The following SMG6 variants were observed in gnomAD, a reference collection of about 807,000 sequenced individuals.
The protein encoded by SMG6 is SMG6 nonsense mediated mRNA decay factor.
Under a neutral mutation model 142.2 loss-of-function variants are expected in SMG6, and 66 were observed. The observed-to-expected ratio is 0.46, with a 90% confidence interval of 0.38 to 0.57. SMG6 has a LOEUF of 0.57. Among genes scored for constraint, SMG6 ranks in the 20% least tolerant of loss-of-function variants. The pLI is 0.00. For synonymous variants in SMG6, 779 were observed against 702.4 expected (o/e 1.11, Z -1.72); for missense variants, 1,793 against 1,832.0 (o/e 0.98, Z 0.39).
At chr17:2,290,448 C>T (rs1027879902) in intron 6 of SMG6, among the ~76,000 whole-genome samples, 14 of 152,284 alleles carry the variant, frequency 9.2e-5, no homozygotes, top group Non-Finnish European at 1.9e-4. Context: ...ACACTTTTCA[C>T]AAAAATTAAC....
chr17:2,291,767 G>C (rs1187909578), intron 6 of SMG6, among the ~76,000 whole-genome samples: 7 of 147,736 alleles, frequency 4.7e-5, no homozygotes, highest in African/African-American at 7.4e-5. Context: ...AGTTACTTGG[G>C]AGGCTGAGGC....
intron 8 of SMG6, among the ~76,000 whole-genome samples, chr17:2,279,057 A>G (rs1196029156): frequency 2.0e-5 from 3 of 152,230 alleles, no homozygotes; most frequent in African/African-American, 7.2e-5. Flanking sequence ...AGATCTGCAC[A>G]AAACTACACT....
At position 2,061,625 on chromosome 17, in the gene SMG6, G is replaced by A. The variant is rs1226893358; in HGVS notation, c.4130-3C>T. On this transcript the variant is annotated splice_region_variant and splice_polypyrimidine_tract_variant and intron_variant, in intron 18 of 18. Coordinates refer to ENST00000263073, the MANE Select transcript of SMG6 (RefSeq NM_017575.5). ...CCGCAGTAGCCGGATTGGCTCCTCTGTGGGCATGAGAGAGCAGAAGGCTGT... is the reference window on the plus strand; with the variant it reads ...CCGCAGTAGCCGGATTGGCTCCTCTATGGGCATGAGAGAGCAGAAGGCTGT... 1.0e-5 allele frequency: 16 copies of A among 1,569,060 alleles called. No homozygotes were observed. Among genetic ancestry groups the A allele is most frequent in the Non-Finnish European group, 1.3e-5 (15 of 1,157,006 alleles).
intron 10 of SMG6, among the ~76,000 whole-genome samples, chr17:2,212,154 AAAGG>A (rs1221810009): frequency 6.6e-6 from 1 of 152,232 alleles, no homozygotes. Flanking sequence ...ACAGAGTTTC[AAAGG>A]AAGGGAAGTG....
intron 10 of SMG6, chr17:2,229,343 C>G (rs751250381): frequency 3.9e-5 from 6 of 152,260 alleles, no homozygotes; most frequent in African/African-American, 2.4e-5. Flanking sequence ...GTTCCTCTTC[C>G]TATCTCAGAT....
At chr17:2,121,862 C>T (rs1203029402) in intron 13 of SMG6, among the ~76,000 whole-genome samples, 4 of 151,958 alleles carry the variant, frequency 2.6e-5, no homozygotes. Context: ...TTGAGATAGT[C>T]TCACTCTGTC....
chr17:2,255,403 C>CAAAAAAAAAA (rs60136702), intron 8 of SMG6, among the ~76,000 whole-genome samples: 5 of 73,576 alleles, frequency 6.8e-5, no homozygotes, highest in Non-Finnish European at 1.0e-4. Flanking sequence ...GACTCCGTCT[C>CAAAAAAAAAA]AAAAAAAAAA....
At position 2,186,754 on chromosome 17, in the gene SMG6, G is replaced by A. The variant is rs1329790275; in HGVS notation, c.3064C>T (p.Leu1022=). 6.2e-7 allele frequency: 1 copy of A among 1,614,254 alleles called. No individual in the cohort carries two copies. Among genetic ancestry groups the A allele is most frequent in the Admixed American group, 1.7e-5 (1 of 60,030 alleles). Residue 1022 remains leucine (L), a synonymous_variant, in exon 12 of 19, where the codon CTG becomes TTG. Coordinates refer to ENST00000263073, the MANE Select transcript of SMG6 (RefSeq NM_017575.5). ...VSSFVPDLKE[L]LPSVKVWSDW... is the part of the protein sequence containing the mutation. ...GACCAGACTTTGACACTGGGGAGCAGCTCCTTCAGGTCCGGGACAAAGGAA... is the reference window on the plus strand; with the variant it reads ...GACCAGACTTTGACACTGGGGAGCAACTCCTTCAGGTCCGGGACAAAGGAA...
chr17:2,065,654 G>A lies in SMG6; in HGVS notation c.3861C>T (p.Ala1287=), dbSNP rs1455182713. 1 of 1,613,376 alleles carries A rather than the reference G, an allele frequency of 6.2e-7. No homozygotes were observed. The highest frequency in any genetic ancestry group is 8.5e-7 in the Non-Finnish European group (1 of 1,179,984). ...LIVINELDGL[A]KGQETDHRAG... is the part of the protein sequence containing the mutation. ...CCCGGTGGTCTGTCTCCTGCCCCTT[G>A]GCCAGGCCGTCCAGCTCATTGATCA... The change falls in exon 17 of 19, where the codon GCC becomes GCT. Residue 1287 remains alanine (A), a synonymous_variant. Transcript: ENST00000263073.
chr17:2,167,727 T>G (rs752154532), intron 13 of SMG6, among the ~76,000 whole-genome samples: 1 of 152,176 alleles, frequency 6.6e-6, no homozygotes, highest in African/African-American at 2.4e-5. Context: ...AGAATAAGCA[T>G]CAAGGCAGGA....
chr17:2,084,542 G>A (rs1278211213), intron 14 of SMG6, among the ~76,000 whole-genome samples: 3 of 152,152 alleles, frequency 2.0e-5, no homozygotes, highest in Non-Finnish European at 4.4e-5. Flanking sequence ...CTGATCCAAA[G>A]GTGGCCACTC....
chr17:2,115,132 G>C (rs756567270), intron 13 of SMG6, among the ~76,000 whole-genome samples: 1 of 152,042 alleles, frequency 6.6e-6, no homozygotes, highest in Non-Finnish European at 1.5e-5. Flanking sequence ...CACAGCTGAG[G>C]AGGATGGGTT....
chr17:2,173,340 T>A (rs1426295091), intron 12 of SMG6, among the ~76,000 whole-genome samples: 1 of 152,078 alleles, frequency 6.6e-6, no homozygotes, highest in African/African-American at 2.4e-5. Flanking sequence ...GTCATGCATG[T>A]TTTCCTCCTA....
At chr17:2,112,536 TA>T in intron 13 of SMG6, among the ~76,000 whole-genome samples, 1 of 135,276 alleles carries the variant, frequency 7.4e-6, no homozygotes, top group Non-Finnish European at 1.6e-5. Flanking sequence ...AATAAATAAA[TA>T]AATAAATAAA....
At chr17:2,240,302 G>C (rs886975694) in intron 9 of SMG6, 1 of 152,072 alleles carries the variant, frequency 6.6e-6, no homozygotes, top group Admixed American at 6.5e-5. Flanking sequence ...GTGACTAACC[G>C]AGCAGGACTC....
At chr17:2,185,854 C>G (rs571323302) in intron 12 of SMG6, among the ~76,000 whole-genome samples, 1 of 152,208 alleles carries the variant, frequency 6.6e-6, no homozygotes, top group Admixed American at 6.5e-5. Context: ...GATGTGCATG[C>G]ATTCAGCCTC....
intron 8 of SMG6, among the ~76,000 whole-genome samples, chr17:2,270,350 T>G (rs1272880008): frequency 6.6e-6 from 1 of 152,180 alleles, no homozygotes; most frequent in Admixed American, 6.5e-5. Flanking sequence ...TGGTTTATGC[T>G]TGTAATCCTA....
In SMG6 at chr17:2,068,881, T is replaced by G. The variant is rs2068020442; in HGVS notation, c.3732A>C (p.Arg1244Ser). 1 of 1,614,070 alleles carries G rather than the reference T, an allele frequency of 6.2e-7. No homozygotes were observed. Among genetic ancestry groups the G allele is most frequent in the Non-Finnish European group, 8.5e-7 (1 of 1,180,036 alleles). The change falls in exon 16 of 19, where the codon AGA becomes AGC. Residue 1244 changes from arginine (R) to serine (S), a missense_variant. Coordinates refer to ENST00000263073, the MANE Select transcript of SMG6 (RefSeq NM_017575.5). This position sits in a 1 kb window ranked among gnomAD's most constrained non-coding sequence, Gnocchi z 6.7. ...TGGTGTCTGGTACGAGGAACAAAGG[T>G]CTGATTTCGAGCTCCATCTGCCTCA... is the stretch of plus-strand genomic sequence containing the variant. Reference protein sequence around the residue: ...SQMRQMELEIRPLFLVPDTNG... With the variant: ...SQMRQMELEISPLFLVPDTNG...
rs1597737027 is a variant in SMG6 at position 2,263,656 on chromosome 17, C to A, written c.2662-18937G>T. Among the ~76,000 whole-genome samples, 4 of 152,232 alleles carry A rather than the reference C, an allele frequency of 2.6e-5. 1 individual carries two copies. The South Asian group carries it at 8.3e-4, about 32-fold the overall frequency. ...CTTTCTGGTCTAGAGAGTCTATCCA[C>A]TCATACTAGGGAGAAAAAAAAGAGC... On this transcript the variant is annotated intron_variant, in intron 8 of 18. Coordinates refer to ENST00000263073, the MANE Select transcript of SMG6 (RefSeq NM_017575.5).
Sources: gnomAD v4.1 joint callset for allele counts (sites outside exome capture counted in the v4.1 genomes callset) on GRCh38, gnomAD v4.1.1 for gene constraint, Gnocchi (gnomAD v3.1) non-coding constraint, MANE v1.5 for transcripts, NCBI Gene and HGNC (gene_info 2026-07-23, HGNC 2026-07-21) for gene names.